The following SCRG1 variants were observed in gnomAD, a reference collection of about 807,000 sequenced individuals.
SCRG1 encodes stimulator of chondrogenesis 1, also known as scrapie-responsive protein 1.
In SCRG1, 3 loss-of-function variants were observed where a neutral mutation model predicts 7.7. The ratio of observed to expected loss-of-function variants is 0.39; its 90% CI spans 0.18 to 1.01. The LOEUF is 1.01. Ranked by LOEUF, SCRG1 falls within the 50% of genes least tolerant of loss-of-function variation. The pLI is 0.36. For missense variants in SCRG1, 110 were observed against 117.2 expected (o/e 0.94, Z 0.28); for synonymous variants, 46 against 41.2 (o/e 1.12, Z -0.44).
At chr4:173,491,137 C>T in the SCRG1 span, among the ~76,000 whole-genome samples, 1 of 152,046 alleles carries the variant, frequency 6.6e-6, no homozygotes, top group South Asian at 2.1e-4. Context: ...GGATGAGAGG[C>T]ACACTTTATT....
At chr4:173,466,306 G>A in the SCRG1 span, among the ~76,000 whole-genome samples, 4 of 152,034 alleles carry the variant, frequency 2.6e-5, no homozygotes, top group South Asian at 2.1e-4. Context: ...GAATAGTGTC[G>A]GCTGGAATAT....
At chr4:173,510,643 C>A in the SCRG1 span, among the ~76,000 whole-genome samples, 1 of 152,002 alleles carries the variant, frequency 6.6e-6, no homozygotes, top group Non-Finnish European at 1.5e-5. The surrounding 1 kb of genome is among the most constrained non-coding windows in gnomAD (Gnocchi z 5.7). Flanking sequence ...CAACTTCCCT[C>A]CCCCTGGGAT....
chr4:173,515,586 CTGTG>C, the SCRG1 span, among the ~76,000 whole-genome samples: 4 of 150,596 alleles, frequency 2.7e-5, no homozygotes, highest in South Asian at 2.1e-4. This position sits in a 1 kb window ranked among gnomAD's most constrained non-coding sequence, Gnocchi z 4.6. Context: ...GTGTGTGTGT[CTGTG>C]TGTGTGTGTG....
At chr4:173,470,131 T>C in the SCRG1 span, 4 of 150,004 alleles carry the variant, frequency 2.7e-5, no homozygotes, top group East Asian at 7.8e-4. Flanking sequence ...TTTTTTTTTT[T>C]TTTTTTTTTT....
chr4:173,516,498 C>T, the SCRG1 span, among the ~76,000 whole-genome samples: 1 of 152,166 alleles, frequency 6.6e-6, no homozygotes, highest in African/African-American at 2.4e-5. Flanking sequence ...TATTAAAAGG[C>T]AAGCAGGTCG....
intron 1 of SCRG1, among the ~76,000 whole-genome samples, chr4:173,395,834 G>T (rs540347340): frequency 6.6e-6 from 1 of 152,246 alleles, no homozygotes; most frequent in East Asian, 1.9e-4. Context: ...TTAGTGAATT[G>T]GTTATTATGT....
chr4:173,391,997 A>G (rs1194935078), intron 1 of SCRG1, among the ~76,000 whole-genome samples: 1 of 152,204 alleles, frequency 6.6e-6, no homozygotes, highest in African/African-American at 2.4e-5. Flanking sequence ...ACCCAAAGCT[A>G]TATATCTTTT....
At chr4:173,439,418 T>C in the SCRG1 span, among the ~76,000 whole-genome samples, 1 of 151,804 alleles carries the variant, frequency 6.6e-6, no homozygotes, top group Admixed American at 6.6e-5. Context: ...CCCAGCTACT[T>C]GGGAGGAGAT....
the SCRG1 span, among the ~76,000 whole-genome samples, chr4:173,423,761 A>G: frequency 3.3e-5 from 5 of 152,038 alleles, no homozygotes; most frequent in South Asian, 1.0e-3. Flanking sequence ...GCTACAACAG[A>G]GTATTACAGA....
At chr4:173,508,963 C>A in the SCRG1 span, among the ~76,000 whole-genome samples, 85 of 152,188 alleles carry the variant, frequency 5.6e-4, no homozygotes, top group African/African-American at 2.0e-3. The surrounding 1 kb of genome is among the most constrained non-coding windows in gnomAD (Gnocchi z 4.4). Flanking sequence ...GCGAGATAGC[C>A]AGCTTCCCTG....
the SCRG1 span, among the ~76,000 whole-genome samples, chr4:173,492,766 A>G: frequency 1.3e-5 from 2 of 152,154 alleles, no homozygotes; most frequent in Non-Finnish European, 2.9e-5. Context: ...GAAGAGGGAG[A>G]GCAGCTTCCT....
At chr4:173,389,962 C>A in intron 2 of SCRG1, 1 of 242,234 alleles carries the variant, frequency 4.1e-6, no homozygotes, top group Non-Finnish European at 9.2e-6. Flanking sequence ...TGAAAGATTC[C>A]TCAATAACCA....
intron 1 of SCRG1, among the ~76,000 whole-genome samples, chr4:173,393,620 G>A (rs1200809552): frequency 2.0e-5 from 3 of 152,088 alleles, no homozygotes; most frequent in Non-Finnish European, 2.9e-5. Context: ...TTCTGTATAT[G>A]TCTGTTAGGT....
the SCRG1 span, among the ~76,000 whole-genome samples, chr4:173,430,624 C>G: frequency 1.3e-5 from 2 of 151,842 alleles, no homozygotes; most frequent in Non-Finnish European, 2.9e-5. Context: ...CATGTAGAGA[C>G]AGCAACATGC....
the SCRG1 span, among the ~76,000 whole-genome samples, chr4:173,488,795 T>C: frequency 6.6e-6 from 1 of 152,224 alleles, no homozygotes; most frequent in Non-Finnish European, 1.5e-5. Context: ...AGAAAAATGA[T>C]GTCAAATAAC....
chr4:173,425,284 A>G, the SCRG1 span, among the ~76,000 whole-genome samples: 1 of 152,158 alleles, frequency 6.6e-6, no homozygotes, highest in African/African-American at 2.4e-5. Flanking sequence ...CATTCTTTTC[A>G]TTTTCCAAAA....
chr4:173,417,598 C>T, the SCRG1 span, among the ~76,000 whole-genome samples: 1 of 147,760 alleles, frequency 6.8e-6, no homozygotes, highest in African/African-American at 2.5e-5. Flanking sequence ...CTCCCTCCCT[C>T]CCTCCTTCCT....
At chr4:173,407,255 G>A (rs1346048307), upstream of SCRG1, among the ~76,000 whole-genome samples, 7 of 149,854 alleles carry the variant, frequency 4.7e-5, no homozygotes, top group Non-Finnish European at 1.0e-4. Context: ...GGTGGCTCAC[G>A]CTTGTAATCC....
At chr4:173,454,875 TAAC>T in the SCRG1 span, among the ~76,000 whole-genome samples, 1 of 152,202 alleles carries the variant, frequency 6.6e-6, no homozygotes, top group Non-Finnish European at 1.5e-5. Flanking sequence ...CGTAGGGTAC[TAAC>T]AACCAAATGG....
Sources: gnomAD v4.1 joint callset for allele counts (sites outside exome capture counted in the v4.1 genomes callset) on GRCh38, gnomAD v4.1.1 for gene constraint, Gnocchi (gnomAD v3.1) non-coding constraint, MANE v1.5 for transcripts, NCBI Gene and HGNC (gene_info 2026-07-23, HGNC 2026-07-21) for gene names.